Variants in LRRTM4 observed in about 807,000 individuals in gnomAD.
LRRTM4 encodes leucine-rich repeat transmembrane neuronal protein 4.
LRRTM4 carries 25 observed loss-of-function variants against 47.6 expected under a neutral mutation model. The ratio of observed to expected loss-of-function variants is 0.53; its 90% CI spans 0.38 to 0.73. The LOEUF (loss-of-function observed/expected upper bound fraction) is 0.73. LRRTM4 is among the 30% of genes least tolerant of loss of function. The probability of loss-of-function intolerance (pLI) is 0.00; values close to 1 mark genes in which losing one functional copy is unlikely to be tolerated. For synonymous variants in LRRTM4, 311 were observed against 269.5 expected, an observed-to-expected ratio of 1.15 and a Z score of -1.51; for missense variants, 638 against 713.4, an observed-to-expected ratio of 0.89 and a Z score of 1.20.
chr2:77,420,627 T>C (rs1228567144), intron 3 of LRRTM4, among the ~76,000 whole-genome samples: 1 of 150,940 alleles, frequency 6.6e-6, no homozygotes, highest in East Asian at 2.0e-4. Context: ...GTATGTGATA[T>C]ATATATATAT....
intron 3 of LRRTM4, among the ~76,000 whole-genome samples, chr2:76,855,202 T>A (rs574629369): frequency 6.6e-6 from 1 of 152,272 alleles, no homozygotes; most frequent in East Asian, 1.9e-4. Context: ...GAAAGGTAAC[T>A]GGCACAAGAT....
intron 3 of LRRTM4, among the ~76,000 whole-genome samples, chr2:77,258,045 G>A (rs922855989): frequency 2.0e-5 from 3 of 151,190 alleles, no homozygotes; most frequent in Admixed American, 6.6e-5. Flanking sequence ...GTGGTGAGCC[G>A]AGTTAGTGCC....
chr2:77,411,838 T>TA, intron 3 of LRRTM4, among the ~76,000 whole-genome samples: 1 of 151,872 alleles, frequency 6.6e-6, no homozygotes, highest in Non-Finnish European at 1.5e-5. Context: ...TTAGACAATT[T>TA]AAAAAAGGCA....
chr2:77,145,776 A>AAAT (rs1672242611), intron 3 of LRRTM4, among the ~76,000 whole-genome samples: 15 of 148,076 alleles, frequency 1.0e-4, no homozygotes, highest in African/African-American at 3.0e-4. Context: ...TCCGTCTCAA[A>AAAT]AAATAAATAA....
At chr2:77,090,831 A>T (rs973030844) in intron 3 of LRRTM4, among the ~76,000 whole-genome samples, 3 of 152,136 alleles carry the variant, frequency 2.0e-5, no homozygotes, top group Non-Finnish European at 2.9e-5. Context: ...TCCTCGGCTT[A>T]GCAGCTGAAG....
At chr2:76,924,119 T>C (rs1400750249) in intron 3 of LRRTM4, among the ~76,000 whole-genome samples, 1 of 151,994 alleles carries the variant, frequency 6.6e-6, no homozygotes, top group East Asian at 1.9e-4. Flanking sequence ...AGGTGTGAAA[T>C]GAAGACAAAC....
At chr2:77,138,158 T>G (rs1195613482) in intron 3 of LRRTM4, among the ~76,000 whole-genome samples, 2 of 152,104 alleles carry the variant, frequency 1.3e-5, no homozygotes, top group African/African-American at 4.8e-5. Flanking sequence ...GTACCCCAAA[T>G]CAACAGAATA....
chr2:77,036,528 T>G (rs1431209128), intron 3 of LRRTM4, among the ~76,000 whole-genome samples: 2 of 151,728 alleles, frequency 1.3e-5, no homozygotes, highest in Non-Finnish European at 3.0e-5. Flanking sequence ...CCCATAGGCT[T>G]CCTACAATCC....
At chr2:77,514,701 T>G (rs1327896692) in intron 3 of LRRTM4, among the ~76,000 whole-genome samples, 1 of 151,978 alleles carries the variant, frequency 6.6e-6, no homozygotes, top group Non-Finnish European at 1.5e-5. Flanking sequence ...ATTCATTCAT[T>G]TTAAATTTTC....
chr2:77,326,722 C>T (rs893523263), intron 3 of LRRTM4, among the ~76,000 whole-genome samples: 3 of 152,120 alleles, frequency 2.0e-5, no homozygotes, highest in Admixed American at 6.6e-5. Context: ...ATAGTCAAAA[C>T]GGATTACTCC....
intron 3 of LRRTM4, among the ~76,000 whole-genome samples, chr2:77,046,278 G>A (rs531757067): frequency 6.6e-6 from 1 of 152,076 alleles, no homozygotes; most frequent in Non-Finnish European, 1.5e-5. Flanking sequence ...TTTCCTTCCA[G>A]GCAGATTTCA....
chr2:77,271,879 C>T lies in LRRTM4; in HGVS notation c.1551+246439G>A, dbSNP rs1025243522. On this transcript the variant is annotated intron_variant, in intron 3 of 3. Transcript: ENST00000409884. ...ATGCCTCCACCCACCATGTGTCATG[C>T]GTACTCACTCCACAGGCACAGGTAG... 7.9e-5 allele frequency among the ~76,000 whole-genome samples: 12 copies of T among 152,274 alleles called. No individual in the cohort carries two copies. In the East Asian group the frequency reaches 9.7e-4, roughly 12 times the overall value.
intron 3 of LRRTM4, among the ~76,000 whole-genome samples, chr2:77,018,330 T>C (rs1678148934): frequency 7.3e-6 from 1 of 136,374 alleles, no homozygotes; most frequent in Non-Finnish European, 1.5e-5. Flanking sequence ...AGTCAGGGAA[T>C]AAAGACTTCT....
At chr2:77,145,870 T>A (rs1672246436) in intron 3 of LRRTM4, among the ~76,000 whole-genome samples, 2 of 152,220 alleles carry the variant, frequency 1.3e-5, no homozygotes, top group East Asian at 3.9e-4. Flanking sequence ...GAGAGCTTTT[T>A]TAAAAATATA....
At chr2:77,338,580 G>C (rs1671249369) in intron 3 of LRRTM4, among the ~76,000 whole-genome samples, 1 of 151,566 alleles carries the variant, frequency 6.6e-6, no homozygotes, top group South Asian at 2.1e-4. Flanking sequence ...TTACTAAAAA[G>C]AAAACAAAAA....
intron 3 of LRRTM4, among the ~76,000 whole-genome samples, chr2:77,396,329 C>T (rs559777962): frequency 7.6e-4 from 116 of 151,892 alleles, no homozygotes; most frequent in African/African-American, 2.7e-3. Context: ...TTTATGCTCC[C>T]CTCAAGGCAT....
At chr2:77,149,398 T>C (rs1371210791) in intron 3 of LRRTM4, among the ~76,000 whole-genome samples, 1 of 152,156 alleles carries the variant, frequency 6.6e-6, no homozygotes. Flanking sequence ...TATACTTCTA[T>C]TGGACAGCAT....
At chr2:77,310,390 C>T (rs1271424397) in intron 3 of LRRTM4, among the ~76,000 whole-genome samples, 5 of 151,946 alleles carry the variant, frequency 3.3e-5, no homozygotes, top group African/African-American at 7.3e-5. Context: ...CAGTTTTTAT[C>T]ATTAGTTGTC....
intron 3 of LRRTM4, among the ~76,000 whole-genome samples, chr2:76,942,370 T>C (rs919727158): frequency 6.6e-6 from 1 of 152,156 alleles, no homozygotes; most frequent in Non-Finnish European, 1.5e-5. Flanking sequence ...TAAACACATT[T>C]TAAAAGCATA....
Sources: gnomAD v4.1 joint callset for allele counts (sites outside exome capture counted in the v4.1 genomes callset) on GRCh38, gnomAD v4.1.1 for gene constraint, MANE v1.5 for transcripts, NCBI Gene and HGNC (gene_info 2026-07-23, HGNC 2026-07-21) for gene names.